Variants in HCN1 observed in about 807,000 individuals in gnomAD.
HCN1 encodes potassium/sodium hyperpolarization-activated cyclic nucleotide-gated channel 1.
HCN1 carries 13 observed loss-of-function variants against 78.9 expected under a neutral mutation model. The ratio of observed to expected loss-of-function variants is 0.16; its 90% CI spans 0.11 to 0.26. HCN1 has a LOEUF of 0.26. Among genes scored for constraint, HCN1 ranks in the 10% least tolerant of loss-of-function variants. HCN1 has a pLI of 1.00. For missense variants in HCN1, 810 were observed against 1,154.3 expected (o/e 0.70, Z 4.32); for synonymous variants, 552 against 455.5 (o/e 1.21, Z -2.70).
chr5:45,593,318 TCTCCCTCTCTCTCTCTCTCTCTCA>T (rs1744418289), intron 2 of HCN1, among the ~76,000 whole-genome samples: 3 of 45,902 alleles, frequency 6.5e-5, no homozygotes, highest in Admixed American at 5.4e-4. Context: ...TCTCTCTCTC[TCTCCCTCTCTCTCTCTCTCTCTCA>T]CACACACACA....
intron 2 of HCN1, among the ~76,000 whole-genome samples, chr5:45,561,824 C>A (rs2111881329): frequency 6.6e-6 from 1 of 152,232 alleles, no homozygotes; most frequent in Admixed American, 6.5e-5. Flanking sequence ...ACTTACTTAA[C>A]AAAATCCTAA....
intron 2 of HCN1, among the ~76,000 whole-genome samples, chr5:45,474,738 A>C (rs1009783392): frequency 6.6e-6 from 1 of 151,814 alleles, no homozygotes; most frequent in African/African-American, 2.4e-5. Context: ...GGTATAATTC[A>C]CTCCTCCAAC....
At chr5:45,605,248 T>C (rs182633738) in intron 2 of HCN1, among the ~76,000 whole-genome samples, 1,935 of 152,144 alleles carry the variant, frequency 0.013, 20 homozygotes, top group Middle Eastern at 0.065. Context: ...CAACTTAATA[T>C]GTAATTTTAA....
intron 2 of HCN1, among the ~76,000 whole-genome samples, chr5:45,556,600 C>T (rs1743474659): frequency 6.6e-6 from 1 of 151,862 alleles, no homozygotes; most frequent in South Asian, 2.1e-4. Context: ...TTCTCCATTC[C>T]TATTTAATAA....
At chr5:45,513,378 T>C (rs958405254) in intron 2 of HCN1, among the ~76,000 whole-genome samples, 4 of 152,090 alleles carry the variant, frequency 2.6e-5, no homozygotes, top group African/African-American at 9.7e-5. Context: ...GAAAGAAATA[T>C]GTAAAAAACA....
rs1746138693 is a variant in HCN1, at chr5:45,322,166, CA to C, written c.1378-18328del. Among the ~76,000 whole-genome samples, 3 of 151,898 alleles carry C rather than the reference CA, an allele frequency of 2.0e-5. No homozygotes were observed. The South Asian group carries it at 6.2e-4, about 32-fold the overall frequency. ...TGGAGTCTTGGTAGCTGGAGCTATA[CA>C]ACAATTAATTTAAAAAATGTAAACA... On this transcript the variant is annotated intron_variant, in intron 5 of 7. Coordinates refer to ENST00000303230, the MANE Select transcript of HCN1 (RefSeq NM_021072.4).
chr5:45,685,386 T>C (rs1739783191), intron 1 of HCN1, among the ~76,000 whole-genome samples: 1 of 152,130 alleles, frequency 6.6e-6, no homozygotes, highest in Non-Finnish European at 1.5e-5. Flanking sequence ...ACTAAAGAGA[T>C]TAAACTGGAA....
intron 5 of HCN1, among the ~76,000 whole-genome samples, chr5:45,347,182 G>A (rs987612890): frequency 2.6e-5 from 4 of 152,136 alleles, no homozygotes; most frequent in Non-Finnish European, 5.9e-5. Flanking sequence ...CCAGAGGAAC[G>A]ATCAGACAGC....
intron 5 of HCN1, among the ~76,000 whole-genome samples, chr5:45,311,859 TTCA>T (rs1207375618): frequency 2.0e-5 from 3 of 152,184 alleles, no homozygotes; most frequent in Non-Finnish European, 4.4e-5. Context: ...ACCCTCAAAG[TTCA>T]TCAACAGCTT....
intron 6 of HCN1, among the ~76,000 whole-genome samples, chr5:45,270,648 C>G (rs1053305504): frequency 3.3e-5 from 5 of 152,040 alleles, no homozygotes; most frequent in African/African-American, 1.2e-4. Context: ...TTAATTGGGT[C>G]TCTGTAGAGG....
chr5:45,587,648 T>C (rs998007468), intron 2 of HCN1, among the ~76,000 whole-genome samples: 4 of 152,028 alleles, frequency 2.6e-5, no homozygotes, highest in Admixed American at 6.6e-5. Context: ...TGTATACATA[T>C]GTAACAAACC....
chr5:45,284,945 A>G (rs893383330), intron 6 of HCN1, among the ~76,000 whole-genome samples: 2 of 152,098 alleles, frequency 1.3e-5, no homozygotes, highest in Non-Finnish European at 2.9e-5. Flanking sequence ...GGTCAATTCT[A>G]TTAAACTCTA....
In HCN1 at chr5:45,262,128, G is replaced by T. The variant is rs779149243; in HGVS notation, c.2466C>A (p.Val822=). Residue 822 remains valine (V), a synonymous_variant, in exon 8 of 8, where the codon GTC becomes GTA. Coordinates refer to ENST00000303230, the MANE Select transcript of HCN1 (RefSeq NM_021072.4). ...CCCCTGCCTGAAGGCCCGTTCCGGG[G>T]ACCGCCGTCACGGGTTGAGGGATGG... The part of the protein sequence containing the change: ...LASIPQPVTA[V]PGTGLQAGGR... 20 of 1,612,946 alleles carry T rather than the reference G, an allele frequency of 1.2e-5. No individual in the cohort carries two copies. In the East Asian group the frequency reaches 4.5e-4, roughly 36 times the overall value.
intron 6 of HCN1, among the ~76,000 whole-genome samples, chr5:45,300,782 T>A: frequency 6.6e-6 from 1 of 152,084 alleles, no homozygotes; most frequent in East Asian, 1.9e-4. Context: ...TCTTTCTTTT[T>A]CCCCTTCATT....
chr5:45,552,611 T>C (rs1272180403), intron 2 of HCN1, among the ~76,000 whole-genome samples: 1 of 151,946 alleles, frequency 6.6e-6, no homozygotes, highest in Non-Finnish European at 1.5e-5. Flanking sequence ...AAATGTAACA[T>C]CTGAAAGAGC....
intron 2 of HCN1, among the ~76,000 whole-genome samples, chr5:45,529,899 G>A (rs1742804657): frequency 6.6e-6 from 1 of 151,976 alleles, no homozygotes; most frequent in Non-Finnish European, 1.5e-5. Context: ...CAAACCAAAG[G>A]TGATAAATTA....
chr5:45,503,822 G>A (rs1344133138), intron 2 of HCN1, among the ~76,000 whole-genome samples: 1 of 138,084 alleles, frequency 7.2e-6, no homozygotes, highest in African/African-American at 2.8e-5. Flanking sequence ...TTTCATGCTT[G>A]TTGCCCAGGC....
At chr5:45,294,204 T>C (rs1319005491) in intron 6 of HCN1, among the ~76,000 whole-genome samples, 1 of 152,008 alleles carries the variant, frequency 6.6e-6, no homozygotes, top group Non-Finnish European at 1.5e-5. Context: ...AGTTAACGAA[T>C]AGTCACGGTG....
At chr5:45,608,898 T>C (rs1431302394) in intron 2 of HCN1, among the ~76,000 whole-genome samples, 1 of 152,068 alleles carries the variant, frequency 6.6e-6, no homozygotes, top group Non-Finnish European at 1.5e-5. Context: ...ATGTGTCTTA[T>C]AAGTGACTCC....
Sources: allele counts gnomAD v4.1 joint callset (sites outside exome capture counted in the v4.1 genomes callset), GRCh38; gene constraint gnomAD v4.1.1; transcripts MANE v1.5; gene names NCBI Gene and HGNC (gene_info 2026-07-23, HGNC 2026-07-21).